PDE4D: variants seen among roughly 807,000 people sequenced by gnomAD.
The protein encoded by PDE4D is phosphodiesterase 4D, also known as 3',5'-cyclic-AMP phosphodiesterase 4D.
In PDE4D, 24 loss-of-function variants were observed where a neutral mutation model predicts 87.4. The observed-to-expected ratio is 0.27, with a 90% confidence interval of 0.20 to 0.39. The LOEUF (loss-of-function observed/expected upper bound fraction) is 0.39. Among genes scored for constraint, PDE4D ranks in the 10% least tolerant of loss-of-function variants. The pLI is 1.00. For synonymous variants in PDE4D, 384 were observed against 383.2 expected (o/e 1.00, Z -0.02); for missense variants, 714 against 1,041.0 (o/e 0.69, Z 4.32).
At chr5:59,601,061 C>G (rs1827435656) in intron 1 of PDE4D, among the ~76,000 whole-genome samples, 1 of 152,078 alleles carries the variant, frequency 6.6e-6, no homozygotes, top group Non-Finnish European at 1.5e-5. Context: ...TAGCAAGGAC[C>G]CATTTTACTG....
At chr5:60,048,853 C>T (rs1418626896) in intron 2 of PDE4D, among the ~76,000 whole-genome samples, 4 of 152,094 alleles carry the variant, frequency 2.6e-5, no homozygotes, top group Non-Finnish European at 4.4e-5. Flanking sequence ...CTTGGAGTTG[C>T]TCTTCTCGAG....
intron 1 of PDE4D, among the ~76,000 whole-genome samples, chr5:59,287,911 A>G (rs1056110004): frequency 6.6e-6 from 1 of 152,126 alleles, no homozygotes; most frequent in African/African-American, 2.4e-5. Flanking sequence ...AGTGCTCCCT[A>G]ATGCAGATAT....
chr5:59,112,460 G>C lies in PDE4D; in HGVS notation c.808+68135C>G, dbSNP rs974389445. Among the ~76,000 whole-genome samples, 14 of 152,234 alleles carry C rather than the reference G, an allele frequency of 9.2e-5. No homozygotes were observed. In the East Asian group the frequency reaches 2.7e-3, roughly 29 times the overall value. On this transcript the variant is annotated intron_variant, in intron 5 of 14. Transcript: ENST00000340635. ...TGTTATGCAGCAAGAGGAGATGCAG[G>C]GTCTCCTATTAGACAGCCACTGCAA...
chr5:59,261,055 CA>C (rs1761918637), intron 1 of PDE4D, among the ~76,000 whole-genome samples: 1 of 151,640 alleles, frequency 6.6e-6, no homozygotes, highest in South Asian at 2.1e-4. Context: ...TATAGTAGTC[CA>C]GATGTATGAC....
chr5:60,225,646 C>T lies in PDE4D; in HGVS notation c.-89-39959G>A, dbSNP rs915736228. On this transcript the variant is annotated intron_variant, in intron 1 of 16. Coordinates refer to the PDE4D transcript ENST00000502484. ...CTGCAAAGCTGAGAACCCAACTCCT[C>T]ACTTTGCTGAATTCTAACATGGGAA... is the stretch of plus-strand genomic sequence containing the variant. Among the ~76,000 whole-genome samples, 9 of 152,094 alleles carry T rather than the reference C, an allele frequency of 5.9e-5. No homozygotes were observed. In the East Asian group the frequency reaches 7.7e-4, roughly 13 times the overall value.
At chr5:59,869,813 T>TCC (rs1476725332) in intron 1 of PDE4D, among the ~76,000 whole-genome samples, 2 of 152,160 alleles carry the variant, frequency 1.3e-5, no homozygotes, top group Non-Finnish European at 2.9e-5. Flanking sequence ...AAAGTGAATT[T>TCC]TCAGGATTAT....
intron 2 of PDE4D, among the ~76,000 whole-genome samples, chr5:59,211,524 T>C (rs917614081): frequency 1.3e-5 from 2 of 152,176 alleles, no homozygotes; most frequent in South Asian, 2.1e-4. Context: ...GTTTTTGCTG[T>C]AGTAGTATAA....
chr5:59,390,912 C>A (rs977325150), intron 1 of PDE4D, among the ~76,000 whole-genome samples: 1 of 152,106 alleles, frequency 6.6e-6, no homozygotes, highest in Non-Finnish European at 1.5e-5. Flanking sequence ...CATAATATAA[C>A]TCATACTGTT....
At chr5:59,596,856 G>A (rs1826755381) in intron 1 of PDE4D, among the ~76,000 whole-genome samples, 1 of 152,066 alleles carries the variant, frequency 6.6e-6, no homozygotes, top group African/African-American at 2.4e-5. Context: ...TCAGTTCAAG[G>A]TGGGGTTGAA....
intron 1 of PDE4D, among the ~76,000 whole-genome samples, chr5:59,724,969 C>A (rs1756386447): frequency 6.6e-6 from 1 of 152,092 alleles, no homozygotes; most frequent in Admixed American, 6.6e-5. Flanking sequence ...TCACACAGGG[C>A]AAGTTATGTA....
chr5:59,052,488 A>G (rs965052580), intron 5 of PDE4D, among the ~76,000 whole-genome samples: 3 of 152,206 alleles, frequency 2.0e-5, no homozygotes, highest in Non-Finnish European at 4.4e-5. Context: ...CTGGTAGCCT[A>G]AGAGGATAGA....
At chr5:59,599,648 A>G (rs1827219502) in intron 1 of PDE4D, among the ~76,000 whole-genome samples, 1 of 152,180 alleles carries the variant, frequency 6.6e-6, no homozygotes, top group African/African-American at 2.4e-5. Flanking sequence ...TCCAGAAATT[A>G]GAATGTCCAT....
intron 1 of PDE4D, among the ~76,000 whole-genome samples, chr5:59,531,089 T>G (rs1814132430): frequency 6.6e-6 from 1 of 152,222 alleles, no homozygotes; most frequent in Non-Finnish European, 1.5e-5. Context: ...AAAATAAGAA[T>G]GTCATCTGTG....
chr5:59,319,154 A>G (rs921684278), intron 1 of PDE4D, among the ~76,000 whole-genome samples: 1 of 115,464 alleles, frequency 8.7e-6, no homozygotes, highest in South Asian at 3.3e-4. Flanking sequence ...GAGAGAGTAC[A>G]TATATATGTG....
chr5:60,053,291 T>C (rs1296028932), intron 2 of PDE4D, among the ~76,000 whole-genome samples: 1 of 152,178 alleles, frequency 6.6e-6, no homozygotes. Context: ...CTTCAAACTA[T>C]ACTGCAAGGC....
At chr5:59,334,103 C>A (rs1777211855) in intron 1 of PDE4D, among the ~76,000 whole-genome samples, 1 of 151,808 alleles carries the variant, frequency 6.6e-6, no homozygotes, top group Admixed American at 6.6e-5. Flanking sequence ...GGCATACAAT[C>A]ATTATATCTC....
chr5:59,246,034 T>C (rs1223251899), intron 1 of PDE4D, among the ~76,000 whole-genome samples: 2 of 149,986 alleles, frequency 1.3e-5, no homozygotes, highest in African/African-American at 2.4e-5. Flanking sequence ...ATATATTATA[T>C]ATAAAATATT....
At chr5:59,416,444 G>A (rs147082453) in intron 1 of PDE4D, among the ~76,000 whole-genome samples, 1 of 152,196 alleles carries the variant, frequency 6.6e-6, no homozygotes, top group African/African-American at 2.4e-5. Flanking sequence ...AATCCAAATG[G>A]TGTGTTTGAG....
chr5:60,236,561 A>G (rs886803094), intron 1 of PDE4D, among the ~76,000 whole-genome samples: 1 of 151,906 alleles, frequency 6.6e-6, no homozygotes, highest in Non-Finnish European at 1.5e-5. Flanking sequence ...AATCCTCAGA[A>G]CCAGTTATTC....
Sources: gnomAD v4.1 joint callset for allele counts (sites outside exome capture counted in the v4.1 genomes callset) on GRCh38, gnomAD v4.1.1 for gene constraint, MANE v1.5 for transcripts, NCBI Gene and HGNC (gene_info 2026-07-23, HGNC 2026-07-21) for gene names.